COL18A1: variants seen among roughly 807,000 people sequenced by gnomAD.
COL18A1 encodes collagen type XVIII alpha 1 chain.
In COL18A1, 133 loss-of-function variants were observed where a neutral mutation model predicts 168.0. The observed-to-expected ratio is 0.79, with a 90% confidence interval of 0.69 to 0.91. COL18A1 has a LOEUF of 0.91. COL18A1 is among the 40% of genes least tolerant of loss of function. The probability of loss-of-function intolerance (pLI) is 0.00; values close to 1 mark genes in which losing one functional copy is unlikely to be tolerated. For missense variants in COL18A1, 2,126 were observed against 1,925.4 expected, an observed-to-expected ratio of 1.10 and a Z score of -1.95; for synonymous variants, 949 against 809.0, an observed-to-expected ratio of 1.17 and a Z score of -2.94.
chr21:45,444,041 G>A (rs915691062), intron 2 of COL18A1, among the ~76,000 whole-genome samples: 1 of 152,326 alleles, frequency 6.6e-6, no homozygotes, highest in African/African-American at 2.4e-5. Context: ...TGTGGGGAAC[G>A]TGCTTCCCGG....
chr21:45,419,106 C>T (rs1041589440), intron 2 of COL18A1, among the ~76,000 whole-genome samples: 13 of 152,238 alleles, frequency 8.5e-5, no homozygotes, highest in Non-Finnish European at 1.8e-4. Flanking sequence ...TTGGCCAGCC[C>T]TTGCCAGAGG....
At position 45,473,138 on chromosome 21, in the gene COL18A1, A is replaced by G. The variant is rs141943724; in HGVS notation, c.652-757A>G. Among the ~76,000 whole-genome samples, 675 of 152,250 alleles carry G rather than the reference A, an allele frequency of 4.4e-3. 9 individuals carry two copies. Among genetic ancestry groups the G allele is most frequent in the African/African-American group, 0.016 (653 of 41,550 alleles). ...CCCCTCCCAGCGTCCTCTCCCCACCAGGCAAGCTACCCGCTTGAGGCTTAG... is the reference window on the plus strand; with the variant it reads ...CCCCTCCCAGCGTCCTCTCCCCACCGGGCAAGCTACCCGCTTGAGGCTTAG... On this transcript the variant is annotated intron_variant, in intron 3 of 41. Transcript: ENST00000651438. This position sits in a 1 kb window ranked among gnomAD's most constrained non-coding sequence, Gnocchi z 4.0.
At position 45,484,368 on chromosome 21, in the gene COL18A1, ACACG is replaced by A. The variant is rs1355028956; in HGVS notation, c.1701+1551_1701+1554del. Among the ~76,000 whole-genome samples, 250 of 135,066 alleles carry A rather than the reference ACACG, an allele frequency of 1.9e-3. 9 individuals are homozygous for A. Among genetic ancestry groups the A allele is most frequent in the Non-Finnish European group, 2.4e-3 (148 of 61,872 alleles). 88.6% of individuals were successfully genotyped at this position (135,066 alleles called of 152,430 possible). On this transcript the variant is annotated intron_variant, in intron 15 of 41. Transcript: ENST00000651438. ...CTCCAGCATATGTGCGCACACACAT[ACACG>A]CACACACACATCTCCAGCATGTGTG...
At chr21:45,408,653 C>T (rs990766138) in intron 2 of COL18A1, 21 of 152,196 alleles carry the variant, frequency 1.4e-4, no homozygotes, top group African/African-American at 5.1e-4. Context: ...CCCTCCCCAG[C>T]CCCCGCTGAT....
chr21:45,504,369 C>A, intron 33 of COL18A1, 47 bp from the exon 34 acceptor site: 1 of 1,590,124 alleles, frequency 6.3e-7, no homozygotes. Flanking sequence ...CCACCTGTGG[C>A]TTGTAGGGGT....
chr21:45,502,383 C>CA (rs2036913699), intron 32 of COL18A1: 1 of 152,190 alleles, frequency 6.6e-6, no homozygotes, highest in Non-Finnish European at 1.5e-5. Context: ...TCTCCGTTGA[C>CA]AAAATTACAG....
chr21:45,495,708 GCACACATACACGCA>G, intron 29 of COL18A1: 1 of 437,550 alleles, frequency 2.3e-6, no homozygotes, highest in East Asian at 4.7e-5. Context: ...ATACACACGC[GCACACATACACGCA>G]CACACACATC....
At chr21:45,511,023 ACCCCACATCCACACACCC>A (rs2037567195) in intron 40 of COL18A1, 70 bp from the exon 41 acceptor site, 2 of 242,408 alleles carry the variant, frequency 8.3e-6, no homozygotes, top group Non-Finnish European at 8.4e-6. Context: ...ACACATCCAC[ACCCCACATCCACACACCC>A]CCCCACAAAC....
chr21:45,509,688 G>A (rs1018417377), intron 39 of COL18A1, 87 bp downstream of exon 39: 2 of 813,742 alleles, frequency 2.5e-6, no homozygotes, highest in Non-Finnish European at 4.1e-6. Context: ...CAGAGCTGCT[G>A]GGGGTCCCAG....
At chr21:45,495,089 G>C (rs1275897625) in intron 28 of COL18A1, 174 bp downstream of exon 28, 3 of 682,222 alleles carry the variant, frequency 4.4e-6, no homozygotes, top group Non-Finnish European at 7.6e-6. Flanking sequence ...GTGGCTGGCA[G>C]TACCCCACGA....
At chr21:45,461,567 C>T (rs1292102776) in intron 2 of COL18A1, among the ~76,000 whole-genome samples, 5 of 152,100 alleles carry the variant, frequency 3.3e-5, no homozygotes, top group African/African-American at 1.2e-4. Flanking sequence ...TGCTGAAGAG[C>T]AGTCTGGAGC....
intron 2 of COL18A1, among the ~76,000 whole-genome samples, chr21:45,432,765 C>T (rs1431153506): frequency 6.6e-6 from 1 of 152,214 alleles, no homozygotes; most frequent in African/African-American, 2.4e-5. Context: ...CTCTGTGGGT[C>T]AGGGTGGGAC....
intron 2 of COL18A1, among the ~76,000 whole-genome samples, chr21:45,409,073 C>G (rs568340953): frequency 1.8e-5 from 1 of 56,350 alleles, no homozygotes. Context: ...CCATGGCCCT[C>G]ACCCCACCCC....
At chr21:45,500,006 C>T (rs764845481) in intron 32 of COL18A1, among the ~76,000 whole-genome samples, 8 of 152,142 alleles carry the variant, frequency 5.3e-5, no homozygotes, top group Non-Finnish European at 1.0e-4. Flanking sequence ...CCATGTGCCG[C>T]TTACAAGAGA....
Position 45,405,474 on chromosome 21 carries a change from G to A in COL18A1, c.106+1G>A. On this transcript the variant is annotated splice_donor_variant, in intron 2 of 41. Transcript: ENST00000651438. LOFTEE classifies it high-confidence loss of function. ...GTCCGCGCGGCCTCCGCGGAGCCAGGTAAGACCCGGGCGGGACGGGAAGGT... is the reference window on the plus strand; with the variant it reads ...GTCCGCGCGGCCTCCGCGGAGCCAGATAAGACCCGGGCGGGACGGGAAGGT... 1.5e-6 allele frequency: 2 copies of A among 1,369,026 alleles called. No individual in the cohort carries two copies. The highest frequency in any genetic ancestry group is 1.9e-6 in the Non-Finnish European group (2 of 1,052,362). The allele number at this position is 1,369,026 out of a possible 1,614,324, so 84.8% of individuals were successfully genotyped here. A position where few individuals can be genotyped will look rare whatever the true frequency, so the allele number is the denominator to read the frequency against.
chr21:45,504,681 C>T (rs955046239), intron 34 of COL18A1, 125 bp downstream of exon 34: 2 of 804,334 alleles, frequency 2.5e-6, no homozygotes, highest in South Asian at 1.6e-5. Flanking sequence ...CTCAGCAGCC[C>T]CGACATGTCC....
At chr21:45,493,752 T>A in intron 26 of COL18A1, 177 bp downstream of exon 26, 1 of 608,824 alleles carries the variant, frequency 1.6e-6, no homozygotes, top group Non-Finnish European at 2.9e-6. Context: ...TGTCGGCGGT[T>A]CCGCCGGCCC....
At chr21:45,405,525 C>T in intron 2 of COL18A1, 52 bp downstream of exon 2, 1 of 1,166,824 alleles carries the variant, frequency 8.6e-7, no homozygotes, top group Non-Finnish European at 1.1e-6. Flanking sequence ...CCGGCCTCGC[C>T]GCCCTGGCTG....
At chr21:45,436,068 A>G (rs1421151275) in intron 2 of COL18A1, among the ~76,000 whole-genome samples, 2 of 152,194 alleles carry the variant, frequency 1.3e-5, no homozygotes, top group African/African-American at 4.8e-5. Flanking sequence ...GTGCGTTTAT[A>G]AAGCCAGCAC....
Sources: allele counts gnomAD v4.1 joint callset (sites outside exome capture counted in the v4.1 genomes callset), GRCh38; gene constraint gnomAD v4.1.1; non-coding constraint Gnocchi (gnomAD v3.1); transcripts MANE v1.5; gene names NCBI Gene and HGNC (gene_info 2026-07-23, HGNC 2026-07-21).